AP5M1: variants seen among roughly 807,000 people sequenced by gnomAD.
AP5M1 encodes the protein AP-5 complex subunit mu-1.
In AP5M1, 44 loss-of-function variants were observed where a neutral mutation model predicts 52.3. That is an observed-to-expected ratio of 0.84 (90% CI 0.66 to 1.08). The LOEUF (loss-of-function observed/expected upper bound fraction) is 1.08. AP5M1 is among the 50% of genes least tolerant of loss of function. The probability of loss-of-function intolerance (pLI) is 0.00; values close to 1 mark genes in which losing one functional copy is unlikely to be tolerated. For synonymous variants in AP5M1, 213 were observed against 199.0 expected (o/e 1.07, Z -0.59); for missense variants, 526 against 568.4 (o/e 0.93, Z 0.76).
chr14:57,270,419 A>G (rs1030326684), intron 1 of AP5M1, among the ~76,000 whole-genome samples: 1 of 152,204 alleles, frequency 6.6e-6, no homozygotes, highest in East Asian at 1.9e-4. Flanking sequence ...ATAGTGAAGT[A>G]GTACCATAGT....
At position 57,286,223 on chromosome 14, in the gene AP5M1, C is replaced by T. The variant is rs1885304740; in HGVS notation, c.1294C>T (p.Leu432Phe). Residue 432 changes from leucine (L) to phenylalanine (F), a missense_variant and splice_region_variant, in exon 7 of 8, where the codon CTT becomes TTT. Leu to Phe is a conservative substitution (Grantham distance 22). Around this residue, in one of 3 missense-constraint regions of AP5M1, gnomAD observed 97 missense variants for 121.3 expected, o/e 0.80. Transcript: ENST00000261558. ...TGGTACATTTCTCTCTTCTTTCTAGCTTCATTTTAGGATCTTAGATTACAC... is the reference window on the plus strand; with the variant it reads ...TGGTACATTTCTCTCTTCTTTCTAGTTTCATTTTAGGATCTTAGATTACAC... Reference protein sequence around the residue: ...ICTGETAYLKLHFRILDYTLT... With the variant: ...ICTGETAYLKFHFRILDYTLT... 5 of 1,591,306 alleles carry T rather than the reference C, an allele frequency of 3.1e-6. No homozygotes were observed. The highest frequency in any genetic ancestry group is 4.3e-6 in the Non-Finnish European group (5 of 1,161,482).
intron 1 of AP5M1, among the ~76,000 whole-genome samples, chr14:57,269,653 CTTAGA>C (rs1370833416): frequency 6.6e-6 from 1 of 152,082 alleles, no homozygotes; most frequent in African/African-American, 2.4e-5. Flanking sequence ...CCTCCGTCTG[CTTAGA>C]ATTAAAATGG....
Position 57,269,136 on chromosome 14 carries a change from A to T in AP5M1, c.-179A>T. ...TTGTGGTGTGTGTTGGCCTAGAGCG[A>T]CTCAGAAGCGTTAGTGACTTCACCT... On this transcript the variant is annotated 5_prime_UTR_variant, in exon 1 of 8. Coordinates refer to ENST00000261558, the MANE Select transcript of AP5M1 (RefSeq NM_018229.4). 3.2e-6 allele frequency: 2 copies of T among 617,436 alleles called. No individual in the cohort carries two copies. Among genetic ancestry groups the T allele is most frequent in the Non-Finnish European group, 5.7e-6 (2 of 349,780 alleles). 38.2% of individuals were successfully genotyped at this position (617,436 alleles called of 1,614,324 possible).
chr14:57,288,333 A>G (rs1262667243), intron 7 of AP5M1, among the ~76,000 whole-genome samples: 3 of 152,036 alleles, frequency 2.0e-5, no homozygotes, highest in Non-Finnish European at 2.9e-5. Context: ...ATTGATCAGA[A>G]CTATAATAAG....
At position 57,274,663 on chromosome 14, in the gene AP5M1, A is replaced by T; in HGVS notation, c.494A>T (p.Gln165Leu). The part of the protein sequence containing the change: ...KLSQLPDLLL[Q>L]ACPFGTLLDA... ...AGCCAGTTGCCTGACTTGCTTCTGC[A>T]GGCTTGTCCATTTGGTACTTTATTA... Residue 165 changes from glutamine (Q) to leucine (L), a missense_variant, in exon 2 of 8, where the codon CAG becomes CTG. Gln to Leu is a moderately radical substitution (Grantham distance 113). Around this residue, in one of 3 missense-constraint regions of AP5M1, gnomAD observed 425 missense variants for 430.6 expected, o/e 0.99. Coordinates refer to ENST00000261558, the MANE Select transcript of AP5M1 (RefSeq NM_018229.4). 1 of 1,614,242 alleles carries T rather than the reference A, an allele frequency of 6.2e-7. No homozygotes were observed. The highest frequency in any genetic ancestry group is 8.5e-7 in the Non-Finnish European group (1 of 1,180,040).
chr14:57,279,116 T>C (rs1370332336), intron 2 of AP5M1, among the ~76,000 whole-genome samples: 1 of 152,204 alleles, frequency 6.6e-6, no homozygotes, highest in Non-Finnish European at 1.5e-5. Flanking sequence ...TGTGGAAGAC[T>C]GTGGCGATTC....
In AP5M1 at chr14:57,290,434, A is replaced by G. The variant is rs1885412324; in HGVS notation, c.*1550A>G. The stretch of plus-strand genomic sequence containing the variant: ...GTTATTTGATCTCTCTTAAACTCAA[A>G]GCTTAACATTTCACTTATGTTGATA... On this transcript the variant is annotated 3_prime_UTR_variant, in exon 8 of 8. Coordinates refer to ENST00000261558, the MANE Select transcript of AP5M1 (RefSeq NM_018229.4). 6.6e-6 allele frequency: 1 copy of G among 152,022 alleles called. No homozygotes were observed. Among genetic ancestry groups the G allele is most frequent in the East Asian group, 1.9e-4 (1 of 5,194 alleles). The allele number at this position is 152,022 out of a possible 1,614,324, so 9.4% of individuals were successfully genotyped here.
chr14:57,289,639 T>C lies in AP5M1; in HGVS notation c.*755T>C, dbSNP rs1052462468. ...AGATGTGTAGAATACCTTCAGAAGA[T>C]GATCATAGTGTTTTGTAATCATTTA... On this transcript the variant is annotated 3_prime_UTR_variant, in exon 8 of 8. Transcript: ENST00000261558. 1 of 152,030 alleles carries C rather than the reference T, an allele frequency of 6.6e-6. No individual in the cohort carries two copies. Among genetic ancestry groups the C allele is most frequent in the African/African-American group, 2.4e-5 (1 of 41,442 alleles). 9.4% of individuals were successfully genotyped at this position (152,030 alleles called of 1,614,324 possible). A position where few individuals can be genotyped will look rare whatever the true frequency, so the allele number is the denominator to read the frequency against.
In AP5M1 at chr14:57,274,830, CA is replaced by C; in HGVS notation, c.663del (p.Gln221HisfsTer7). On this transcript the variant is annotated frameshift_variant, in exon 2 of 8. Coordinates refer to ENST00000261558, the MANE Select transcript of AP5M1 (RefSeq NM_018229.4). LOFTEE classifies it high-confidence loss of function. Reference protein sequence around the residue: ...ISITEKVKSMQYDKQGIADTW... With the variant: ...ISITEKVKSMXYDKQGIADTW... ...TATCACTGAAAAGGTAAAATCCATG[CA>C]ATATGATAAACAGGGTATAGCAGAT... is the stretch of plus-strand genomic sequence containing the variant. 6.2e-7 allele frequency: 1 copy of C among 1,614,116 alleles called. No homozygotes were observed.
chr14:57,280,573 G>A, intron 3 of AP5M1, 151 bp downstream of exon 3: 2 of 663,990 alleles, frequency 3.0e-6, no homozygotes, highest in South Asian at 2.0e-5. Context: ...ATTTAGACCA[G>A]GCACGGTGGC....
At chr14:57,270,629 AT>A (rs1884869280) in intron 1 of AP5M1, among the ~76,000 whole-genome samples, 1 of 152,060 alleles carries the variant, frequency 6.6e-6, no homozygotes, top group Non-Finnish European at 1.5e-5. Flanking sequence ...AATACAGGAG[AT>A]TAATAATATT....
In AP5M1 at chr14:57,296,840, G is replaced by A. The variant is rs1594714550; in HGVS notation, c.*7956G>A. 1 of 151,890 alleles carries A rather than the reference G, an allele frequency of 6.6e-6. No individual in the cohort carries two copies. Among genetic ancestry groups the A allele is most frequent in the Admixed American group, 6.6e-5 (1 of 15,210 alleles). 9.4% of individuals were successfully genotyped at this position (151,890 alleles called of 1,614,324 possible). ...TGTGCTCATATTATATGCCACTCTGGGATTAGACAAAAGACAAAAAACAGT... is the reference window on the plus strand; with the variant it reads ...TGTGCTCATATTATATGCCACTCTGAGATTAGACAAAAGACAAAAAACAGT... On this transcript the variant is annotated 3_prime_UTR_variant, in exon 8 of 8. Coordinates refer to ENST00000261558, the MANE Select transcript of AP5M1 (RefSeq NM_018229.4).
intron 7 of AP5M1, 95 bp downstream of exon 7, chr14:57,286,414 T>C (rs1053454279): frequency 2.5e-6 from 2 of 815,342 alleles, no homozygotes; most frequent in African/African-American, 1.7e-5. Context: ...AACTTAGAGA[T>C]TAGAGAATAA....
rs958347987 is a variant in AP5M1 at position 57,269,386 on chromosome 14, C to T, written c.72C>T (p.Ser24=). 5.6e-6 allele frequency: 9 copies of T among 1,613,970 alleles called. No homozygotes were observed. Among genetic ancestry groups the T allele is most frequent in the Non-Finnish European group, 7.6e-6 (9 of 1,179,900 alleles). The change falls in exon 1 of 8, where the codon TCC becomes TCT. Residue 24 remains serine (S), a splice_region_variant and synonymous_variant. Coordinates refer to ENST00000261558, the MANE Select transcript of AP5M1 (RefSeq NM_018229.4). ...GTPLCGTVRF[S]RRYPTVEKRA... ...CACTTTGTGGCACCGTGAGATTCTC[C>T]AGGTAAATGCAAATCTGAATCCTCA... is the stretch of plus-strand genomic sequence containing the variant.
At position 57,289,913 on chromosome 14, in the gene AP5M1, C is replaced by G. The variant is rs1162435731; in HGVS notation, c.*1029C>G. ...CATCATCTTTATACTCTACCTGCTT[C>G]TGCAATTATATATCATATTATGTTT... On this transcript the variant is annotated 3_prime_UTR_variant, in exon 8 of 8. Coordinates refer to ENST00000261558, the MANE Select transcript of AP5M1 (RefSeq NM_018229.4). 1 of 151,846 alleles carries G rather than the reference C, an allele frequency of 6.6e-6. No individual in the cohort carries two copies. The allele number at this position is 151,846 out of a possible 1,614,324, so 9.4% of individuals were successfully genotyped here. A position where few individuals can be genotyped will look rare whatever the true frequency, so the allele number is the denominator to read the frequency against.
intron 1 of AP5M1, chr14:57,271,044 A>G (rs1376375864): frequency 6.6e-6 from 1 of 152,230 alleles, no homozygotes; most frequent in African/African-American, 2.4e-5. Flanking sequence ...GAGGAACTCA[A>G]TTGTTAATTT....
In AP5M1 at chr14:57,269,080, C is replaced by G. The variant is rs978434283; in HGVS notation, c.-235C>G. The G allele has an allele frequency of 1.8e-6, 1 of 568,614 alleles. No individual in the cohort carries two copies. 35.2% of individuals were successfully genotyped at this position (568,614 alleles called of 1,614,324 possible). A position where few individuals can be genotyped will look rare whatever the true frequency, so the allele number is the denominator to read the frequency against. On this transcript the variant is annotated 5_prime_UTR_variant, in exon 1 of 8. Transcript: ENST00000261558. ...AGTTGCAGGGTATAGGTAAATTTCT[C>G]AAGGTTATAGGTTGGGGTTCTTAGA... is the stretch of plus-strand genomic sequence containing the variant.
chr14:57,271,605 A>G (rs1433105283), intron 1 of AP5M1, among the ~76,000 whole-genome samples: 1 of 150,666 alleles, frequency 6.6e-6, no homozygotes, highest in East Asian at 1.9e-4. Context: ...TAGATAGTAC[A>G]GATATTTTCT....
rs1183184961 is a variant in AP5M1, at chr14:57,290,557, GATTTA to G, written c.*1676_*1680del. On this transcript the variant is annotated 3_prime_UTR_variant, in exon 8 of 8. Coordinates refer to ENST00000261558, the MANE Select transcript of AP5M1 (RefSeq NM_018229.4). ...GGCATTTATCTAGTGAGTAGGCAAA[GATTTA>G]ATATAATAATCCCCTAGGCAAAAGT... The G allele has an allele frequency of 6.6e-6, 1 of 151,852 alleles. No homozygotes were observed. The highest frequency in any genetic ancestry group is 6.6e-5 in the Admixed American group (1 of 15,202). The allele number at this position is 151,852 out of a possible 1,614,324, so 9.4% of individuals were successfully genotyped here.
Sources: allele counts gnomAD v4.1 joint callset (sites outside exome capture counted in the v4.1 genomes callset), GRCh38; gene constraint gnomAD v4.1.1; regional missense constraint gnomAD v4.1.1; transcripts MANE v1.5; gene names NCBI Gene and HGNC (gene_info 2026-07-23, HGNC 2026-07-21).